NHSL2: variants seen among roughly 807,000 people sequenced by gnomAD.
NHSL2 encodes the protein NHS-like protein 2.
A neutral mutation model predicts 53.4 loss-of-function variants in NHSL2; 27 were observed. That is an observed-to-expected ratio of 0.51 (90% CI 0.37 to 0.70). The LOEUF is 0.70. NHSL2 is among the 30% of genes least tolerant of loss of function. The pLI is 0.00. For synonymous variants in NHSL2, 408 were observed against 404.1 expected (o/e 1.01, Z -0.12); for missense variants, 892 against 980.1 (o/e 0.91, Z 1.20).
chrX:71,969,880 C>T (rs186326638), intron 1 of NHSL2, among the ~76,000 whole-genome samples: 105 of 111,775 alleles, frequency 9.4e-4, no homozygotes, highest in African/African-American at 3.1e-3. Context: ...CTGTTTTTCA[C>T]CATTAAGTAT....
chrX:71,930,906 T>G (rs983364384), intron 1 of NHSL2, among the ~76,000 whole-genome samples: 4 of 112,173 alleles, frequency 3.6e-5, no homozygotes, highest in African/African-American at 9.7e-5. Context: ...TTTTCTTGGG[T>G]ATGTACCTAA....
chrX:72,029,501 G>A (rs2042203148), intron 1 of NHSL2, among the ~76,000 whole-genome samples: 1 of 112,946 alleles, frequency 8.9e-6, no homozygotes, highest in South Asian at 3.6e-4. Context: ...CTGAGGCTAT[G>A]ACAGTAGCAC....
At chrX:72,058,594 C>T (rs181387316) in intron 1 of NHSL2, among the ~76,000 whole-genome samples, 2 of 112,090 alleles carry the variant, frequency 1.8e-5, no homozygotes, top group East Asian at 2.8e-4. Context: ...CCACCCATCT[C>T]GGCATCCCAA....
intron 1 of NHSL2, among the ~76,000 whole-genome samples, chrX:71,957,222 A>G (rs999332234): frequency 2.5e-4 from 28 of 111,969 alleles, no homozygotes; most frequent in African/African-American, 8.8e-4. Flanking sequence ...CTGGGGTACA[A>G]TCCCCCAAGG....
At chrX:72,125,243 T>C (rs756449707) in intron 1 of NHSL2, among the ~76,000 whole-genome samples, 16 of 112,181 alleles carry the variant, frequency 1.4e-4, no homozygotes, top group Non-Finnish European at 2.4e-4. Flanking sequence ...CCTTCCAGGT[T>C]AGGGAGAGTT....
intron 1 of NHSL2, among the ~76,000 whole-genome samples, chrX:71,919,159 A>G (rs1482172887): frequency 1.8e-5 from 2 of 111,984 alleles, no homozygotes; most frequent in South Asian, 3.8e-4. Context: ...ATCAACATCT[A>G]TTACTTTTAG....
chrX:72,134,155 G>A lies in NHSL2; in HGVS notation c.501G>A (p.Glu167=), dbSNP rs1361513926. Residue 167 remains glutamate (E), a synonymous_variant, in exon 3 of 8, where the codon GAG becomes GAA. Transcript: ENST00000633930. ...LVGQTFRSSD[E]ATKPTPNPRP... Reference sequence around the variant, plus strand: ...GGCAGACCTTCCGCTCTTCTGATGAGGCCACTAAGCCCACCCCCAACCCAA... The same window carrying A: ...GGCAGACCTTCCGCTCTTCTGATGAAGCCACTAAGCCCACCCCCAACCCAA... The A allele has an allele frequency of 2.6e-6, 3 of 1,165,285 alleles. No homozygotes were observed. The highest frequency in any genetic ancestry group is 3.4e-6 in the Non-Finnish European group (3 of 871,264).
chrX:72,014,396 T>C (rs1048861538), intron 1 of NHSL2, among the ~76,000 whole-genome samples: 1 of 112,107 alleles, frequency 8.9e-6, no homozygotes, highest in Non-Finnish European at 1.9e-5. Flanking sequence ...TTTGAGACCT[T>C]TTTTCTTTTA....
At chrX:72,089,450 G>T (rs191441436) in intron 1 of NHSL2, among the ~76,000 whole-genome samples, 9 of 111,355 alleles carry the variant, frequency 8.1e-5, no homozygotes, top group Non-Finnish European at 1.5e-4. Flanking sequence ...CAGAGGGCTT[G>T]TAGGAGGTGG....
intron 1 of NHSL2, among the ~76,000 whole-genome samples, chrX:71,978,332 C>T (rs1022878390): frequency 9.8e-5 from 11 of 112,183 alleles, no homozygotes; most frequent in African/African-American, 3.6e-4. Flanking sequence ...TCATATCCCT[C>T]CCTTGGACCT....
chrX:72,078,395 A>G (rs1357407557), intron 1 of NHSL2, among the ~76,000 whole-genome samples: 1 of 112,485 alleles, frequency 8.9e-6, no homozygotes, highest in Admixed American at 9.4e-5. Flanking sequence ...TCCGAAGTGA[A>G]GTTCAGCCTT....
intron 1 of NHSL2, among the ~76,000 whole-genome samples, chrX:71,982,157 G>A (rs887736958): frequency 8.9e-6 from 1 of 112,126 alleles, no homozygotes; most frequent in African/African-American, 3.2e-5. Flanking sequence ...AATGAATGAA[G>A]TACTGATATA....
intron 1 of NHSL2, among the ~76,000 whole-genome samples, chrX:71,949,865 G>C (rs939409570): frequency 9.7e-5 from 11 of 112,846 alleles, no homozygotes; most frequent in African/African-American, 2.9e-4. Flanking sequence ...GTGGCAGTGG[G>C]GTAGAGGCTG....
chrX:72,070,902 A>T (rs1310156814), intron 1 of NHSL2, among the ~76,000 whole-genome samples: 1 of 111,779 alleles, frequency 8.9e-6, no homozygotes, highest in Non-Finnish European at 1.9e-5. Flanking sequence ...ACCATAAGAA[A>T]GCAATAAATG....
intron 1 of NHSL2, among the ~76,000 whole-genome samples, chrX:72,119,978 C>A (rs768386459): frequency 4.9e-4 from 55 of 111,969 alleles, no homozygotes; most frequent in African/African-American, 1.8e-3. Flanking sequence ...TTTATCAAAT[C>A]ATTTTTAGTC....
chrX:72,030,100 GATCTGCCGAAT>G (rs2042206800), intron 1 of NHSL2, among the ~76,000 whole-genome samples: 1 of 112,545 alleles, frequency 8.9e-6, no homozygotes. Context: ...TCAGAAAAAT[GATCTGCCGAAT>G]AATGAGTCAT....
intron 1 of NHSL2, among the ~76,000 whole-genome samples, chrX:71,919,816 G>A (rs2041647876): frequency 8.9e-6 from 1 of 112,151 alleles, no homozygotes; most frequent in African/African-American, 3.2e-5. Flanking sequence ...AGGCTGGGAT[G>A]CCAAGGAGGG....
At position 72,140,829 on chromosome X, in the gene NHSL2, T is replaced by C. The variant is rs773154397; in HGVS notation, c.3223+58T>C. ...GTCACAGGAGAGATGAGGGTGAGAA[T>C]GGAGTGCCAGAGATGGAAGCAGATG... On this transcript the variant is annotated intron_variant, in intron 6 of 7. Coordinates refer to ENST00000633930, the MANE Select transcript of NHSL2 (RefSeq NM_001013627.3). The C allele has an allele frequency of 4.2e-3, 4,089 of 966,719 alleles. 9 individuals carry two copies. Among genetic ancestry groups the C allele is most frequent in the Middle Eastern group, 0.011 (38 of 3,603 alleles). The allele number at this position is 966,719 out of a possible 1,213,427, so 79.7% of individuals were successfully genotyped here.
chrX:72,081,792 CATTTCATAA>C (rs1373083953), intron 1 of NHSL2, among the ~76,000 whole-genome samples: 2 of 112,814 alleles, frequency 1.8e-5, no homozygotes, highest in Non-Finnish European at 3.7e-5. Context: ...ACAGCTCTGA[CATTTCATAA>C]ATCTTTGTCC....
Sources: allele counts gnomAD v4.1 joint callset (sites outside exome capture counted in the v4.1 genomes callset), GRCh38; gene constraint gnomAD v4.1.1; transcripts MANE v1.5; gene names NCBI Gene and HGNC (gene_info 2026-07-23, HGNC 2026-07-21).